Variants in SERPINB11 observed in about 807,000 individuals in gnomAD.
SERPINB11 encodes the protein serpin B11.
SERPINB11 carries 32 observed loss-of-function variants against 36.7 expected under a neutral mutation model. The observed-to-expected ratio is 0.87, with a 90% CI of 0.66 to 1.17. The LOEUF (loss-of-function observed/expected upper bound fraction) is 1.17, where lower values mean the gene tolerates loss of function less well. SERPINB11 is among the 50% of genes most tolerant of loss of function. The pLI is 0.00. For synonymous variants in SERPINB11, 174 were observed against 168.1 expected (o/e 1.04, Z -0.27); for missense variants, 528 against 458.4 (o/e 1.15, Z -1.39).
At chr18:63,703,379 T>G (rs1261510612) in intron 1 of SERPINB11, among the ~76,000 whole-genome samples, 1 of 152,242 alleles carries the variant, frequency 6.6e-6, no homozygotes, top group Non-Finnish European at 1.5e-5. Flanking sequence ...TAACTTACTA[T>G]GCTAGCCTTA....
At chr18:63,707,037 C>T (rs759792662) in intron 1 of SERPINB11, among the ~76,000 whole-genome samples, 36 of 152,218 alleles carry the variant, frequency 2.4e-4, no homozygotes, top group African/African-American at 3.6e-4. Context: ...CTGTCTTTCT[C>T]GTAAGAATTA....
At chr18:63,721,133 G>C (rs1226843984) in intron 7 of SERPINB11, 147 bp downstream of exon 7, 1 of 758,560 alleles carries the variant, frequency 1.3e-6, no homozygotes, top group African/African-American at 1.8e-5. Flanking sequence ...GGGTGTGAAA[G>C]TAGCAGGGAG....
At chr18:63,721,125 G>T in intron 7 of SERPINB11, 139 bp downstream of exon 7, 1 of 831,820 alleles carries the variant, frequency 1.2e-6, no homozygotes, top group Non-Finnish European at 1.8e-6. Flanking sequence ...TGTCCCGGGG[G>T]TGTGAAAGTA....
At chr18:63,713,804 G>A (rs1328995068) in intron 4 of SERPINB11, among the ~76,000 whole-genome samples, 1 of 152,188 alleles carries the variant, frequency 6.6e-6, no homozygotes, top group African/African-American at 2.4e-5. Context: ...GTAGACAAAT[G>A]TGGATTTGGG....
intron 3 of SERPINB11, 37 bp downstream of exon 3, chr18:63,711,431 A>G: frequency 7.0e-7 from 1 of 1,435,870 alleles, no homozygotes; most frequent in South Asian, 1.2e-5. Context: ...ATGCTCTTTA[A>G]CCTAAGAGAA....
In SERPINB11 at chr18:63,721,645, T is replaced by C. The variant is rs563124982; in HGVS notation, c.774+659T>C. ...GTGCTGGCTTGAGATGAAAACACTG[T>C]GGCACAGGTGAGCAAGGTGTGTGTG... On this transcript the variant is annotated intron_variant, in intron 7 of 7. Coordinates refer to ENST00000544088, the MANE Select transcript of SERPINB11 (RefSeq NM_001370475.1). Among the ~76,000 whole-genome samples the C allele has an allele frequency of 1.6e-4, 24 of 152,212 alleles. No individual in the cohort carries two copies. The South Asian group carries it at 4.8e-3, about 30-fold the overall frequency.
At chr18:63,704,159 C>T (rs747942870) in intron 1 of SERPINB11, among the ~76,000 whole-genome samples, 3 of 152,130 alleles carry the variant, frequency 2.0e-5, no homozygotes. Flanking sequence ...ATTGGTTTCC[C>T]TAACAAGTAT....
intron 1 of SERPINB11, among the ~76,000 whole-genome samples, 171 bp downstream of exon 1, chr18:63,703,177 G>A (rs1914283250): frequency 6.6e-6 from 1 of 152,134 alleles, no homozygotes; most frequent in Non-Finnish European, 1.5e-5. Context: ...AAATACATTA[G>A]CATACTTGGA....
In SERPINB11 at chr18:63,710,273, A is replaced by G. The variant is rs1914484155; in HGVS notation, c.80A>G (p.Asn27Ser). Residue 27 changes from asparagine (N) to serine (S), a missense_variant, in exon 2 of 8, where the codon AAC becomes AGC. By Grantham distance (46) the Asn-to-Ser change is conservative (BLOSUM62 1). Transcript: ENST00000544088. ...KELNSNNIGD[N>S]IFFSSLSLLY... ...CTGAACAGTAACAACATAGGAGATA[A>G]CATCTTCTTTTCTTCGCTGAGTCTG... 1 of 1,613,830 alleles carries G rather than the reference A, an allele frequency of 6.2e-7. No individual in the cohort carries two copies. The highest frequency in any genetic ancestry group is 8.5e-7 in the Non-Finnish European group (1 of 1,179,752).
chr18:63,712,577 G>C lies in SERPINB11; in HGVS notation c.241G>C (p.Gly81Arg). ...ACTGATGCTTCAGTGCAGCCAAGCT[G>C]GAAGAATTCATTCCGAGTTTGGTGT... Reference protein sequence around the residue: ...FKDSPKCSQAGRIHSEFGVEF... With the variant: ...FKDSPKCSQARRIHSEFGVEF... The change falls in exon 4 of 8, where the codon GGA becomes CGA. Residue 81 changes from glycine to arginine, a missense_variant. Physicochemically the swap from Gly to Arg is moderately radical, Grantham distance 125. Coordinates refer to ENST00000544088, the MANE Select transcript of SERPINB11 (RefSeq NM_001370475.1). 6.2e-7 allele frequency: 1 copy of C among 1,613,684 alleles called. No individual in the cohort carries two copies. Among genetic ancestry groups the C allele is most frequent in the Non-Finnish European group, 8.5e-7 (1 of 1,179,662 alleles).
chr18:63,702,311 G>A (rs4941215), upstream of SERPINB11: 56,056 of 152,094 alleles, frequency 0.37, 11,116 homozygotes, highest in East Asian at 0.53. Context: ...CTGGGTGCAG[G>A]GCCGGGCATG....
intron 1 of SERPINB11, among the ~76,000 whole-genome samples, chr18:63,706,198 T>A (rs995597763): frequency 1.3e-5 from 2 of 152,176 alleles, no homozygotes; most frequent in Admixed American, 1.3e-4. Context: ...GGGCAACTGG[T>A]TTTGATTACA....
At chr18:63,713,095 A>C (rs1173994386) in intron 4 of SERPINB11, among the ~76,000 whole-genome samples, 1 of 152,174 alleles carries the variant, frequency 6.6e-6, no homozygotes, top group African/African-American at 2.4e-5. Flanking sequence ...TTCCATTTAG[A>C]ATATATAACT....
At chr18:63,706,520 C>G (rs1304773297) in intron 1 of SERPINB11, among the ~76,000 whole-genome samples, 1 of 152,126 alleles carries the variant, frequency 6.6e-6, no homozygotes, top group African/African-American at 2.4e-5. Context: ...GAGGGCAAAG[C>G]TGTAATCTAG....
At position 63,711,383 on chromosome 18, in the gene SERPINB11, G is replaced by A. The variant is rs752477360; in HGVS notation, c.217G>A (p.Asp73Asn). Reference protein sequence around the residue: ...TVDSLKPGFKDSPKCSQAGRI... With the variant: ...TVDSLKPGFKNSPKCSQAGRI... ...AGACTCATTAAAACCAGGGTTCAAG[G>A]ACTCACCTAAGGTATGATAATATTA... is the stretch of plus-strand genomic sequence containing the variant. Residue 73 changes from aspartate to asparagine, a missense_variant, in exon 3 of 8, where the codon GAC (aspartate) becomes AAC (asparagine). By Grantham distance (23) the Asp-to-Asn change is conservative (BLOSUM62 1). Transcript: ENST00000544088. 3.1e-6 allele frequency: 5 copies of A among 1,604,392 alleles called. No individual in the cohort carries two copies. The highest frequency in any genetic ancestry group is 2.6e-6 in the Non-Finnish European group (3 of 1,172,034).
At chr18:63,707,647 T>C (rs1250028843) in intron 1 of SERPINB11, among the ~76,000 whole-genome samples, 1 of 152,218 alleles carries the variant, frequency 6.6e-6, no homozygotes, top group Admixed American at 6.5e-5. Context: ...ACTATAATTC[T>C]CAGTTTGGTT....
chr18:63,712,057 G>T (rs558716185), intron 3 of SERPINB11, among the ~76,000 whole-genome samples: 17 of 152,226 alleles, frequency 1.1e-4, no homozygotes, highest in Non-Finnish European at 2.2e-4. Context: ...TAAATTCTTA[G>T]CCATCTTTCA....
intron 4 of SERPINB11, among the ~76,000 whole-genome samples, chr18:63,714,354 G>C (rs540025881): frequency 2.5e-4 from 38 of 152,248 alleles, no homozygotes; most frequent in African/African-American, 9.1e-4. Context: ...TGCTAATGAA[G>C]TTTCGGGCAT....
rs147761006 is a variant in SERPINB11, at chr18:63,710,982, C to A, written c.169-353C>A. ...AAACCATGTAAGGTCTTACACAGCC[C>A]CAGATGGGTACTGTCTTAGTTAACA... On this transcript the variant is annotated intron_variant, in intron 2 of 7. Transcript: ENST00000544088. Among the ~76,000 whole-genome samples the A allele has an allele frequency of 2.6e-3, 392 of 152,200 alleles. 2 individuals are homozygous for A. Among genetic ancestry groups the A allele is most frequent in the African/African-American group, 8.8e-3 (367 of 41,520 alleles).
Sources: allele counts gnomAD v4.1 joint callset (sites outside exome capture counted in the v4.1 genomes callset), GRCh38; gene constraint gnomAD v4.1.1; transcripts MANE v1.5; gene names NCBI Gene and HGNC (gene_info 2026-07-23, HGNC 2026-07-21).